Variants in ZNF438 observed in about 807,000 individuals in gnomAD.
ZNF438 encodes the protein zinc finger protein 438.
In ZNF438, 25 loss-of-function variants were observed where a neutral mutation model predicts 38.0. The ratio of observed to expected loss-of-function variants is 0.66; its 90% confidence interval spans 0.48 to 0.92. ZNF438 has a LOEUF of 0.92. Ranked by LOEUF, ZNF438 falls within the 40% of genes least tolerant of loss-of-function variation. The pLI is 0.00. For missense variants in ZNF438, 1,007 were observed against 999.6 expected, an observed-to-expected ratio of 1.01 and a Z score of -0.10; for synonymous variants, 372 against 364.1, an observed-to-expected ratio of 1.02 and a Z score of -0.25.
chr10:30,867,124 T>C (rs2036577578), intron 4 of ZNF438, among the ~76,000 whole-genome samples: 1 of 152,176 alleles, frequency 6.6e-6, no homozygotes, highest in South Asian at 2.1e-4. Context: ...AAAATATCCA[T>C]GATTATCTGA....
At chr10:30,844,743 C>G (rs185912501) in exon 6 of ZNF438, 2 of 530,298 alleles carry the variant, frequency 3.8e-6, no homozygotes, top group South Asian at 5.9e-5. Flanking sequence ...AGAATCAGTA[C>G]GTATTTTAAA....
chr10:30,992,162 C>G (rs1353080016), intron 1 of ZNF438, among the ~76,000 whole-genome samples: 1 of 152,162 alleles, frequency 6.6e-6, no homozygotes, highest in Non-Finnish European at 1.5e-5. Context: ...AGCCTATACA[C>G]TGTAAGAAAT....
chr10:30,959,889 C>T (rs2049282284), intron 1 of ZNF438, among the ~76,000 whole-genome samples: 1 of 147,296 alleles, frequency 6.8e-6, no homozygotes, highest in South Asian at 2.2e-4. Flanking sequence ...ATTTACATTC[C>T]TACCAACAAT....
At position 30,865,088 on chromosome 10, in the gene ZNF438, ATC is replaced by A. The variant is rs1418568973; in HGVS notation, c.37+11908_37+11909del. Among the ~76,000 whole-genome samples the A allele has an allele frequency of 3.9e-5, 6 of 152,356 alleles. No individual in the cohort carries two copies. In the East Asian group the frequency reaches 9.6e-4, roughly 24 times the overall value. The stretch of plus-strand genomic sequence containing the variant: ...TTAGAACTAAGTTGTTTAGCAATTT[ATC>A]TGTTTACATGTCAGTCTCTTCCAGT... On this transcript the variant is annotated intron_variant, in intron 4 of 5. Transcript: ENST00000413025.
intron 4 of ZNF438, among the ~76,000 whole-genome samples, chr10:30,865,815 G>T (rs560827406): frequency 2.0e-5 from 3 of 152,196 alleles, no homozygotes; most frequent in Non-Finnish European, 4.4e-5. Context: ...ATGAATTTGA[G>T]CAAGATAATA....
At chr10:30,885,867 A>T (rs1564569238) in intron 3 of ZNF438, among the ~76,000 whole-genome samples, 1 of 152,230 alleles carries the variant, frequency 6.6e-6, no homozygotes, top group Non-Finnish European at 1.5e-5. Flanking sequence ...GAACCTGGGA[A>T]ATAAAAAAAT....
chr10:30,890,082 C>CAAAAAAAAAA (rs2040483586), intron 3 of ZNF438, among the ~76,000 whole-genome samples: 1 of 105,938 alleles, frequency 9.4e-6, no homozygotes, highest in East Asian at 2.2e-4. Context: ...TTTGGCATTT[C>CAAAAAAAAAA]CAAAAAAAAA....
chr10:31,012,006 T>C (rs1223198674), intron 1 of ZNF438, among the ~76,000 whole-genome samples: 2 of 152,166 alleles, frequency 1.3e-5, no homozygotes, highest in African/African-American at 2.4e-5. Flanking sequence ...AAACATGTGC[T>C]GTTTCCTTGC....
intron 1 of ZNF438, among the ~76,000 whole-genome samples, chr10:30,976,528 G>A (rs999399626): frequency 1.3e-5 from 2 of 152,128 alleles, no homozygotes; most frequent in African/African-American, 4.8e-5. Flanking sequence ...GATCGCTTGA[G>A]GCCAGAAGTT....
intron 4 of ZNF438, chr10:30,857,731 G>A: frequency 6.7e-7 from 1 of 1,488,954 alleles, no homozygotes; most frequent in Non-Finnish European, 9.0e-7. Flanking sequence ...TTTGGAGAAT[G>A]TGCAACGTGT....
chr10:30,897,053 T>C (rs1473301617), intron 3 of ZNF438, among the ~76,000 whole-genome samples: 3 of 152,186 alleles, frequency 2.0e-5, no homozygotes, highest in Admixed American at 1.3e-4. Flanking sequence ...TTACAAAGTA[T>C]ACAATATTCA....
At chr10:30,986,770 T>C (rs376902924) in intron 1 of ZNF438, among the ~76,000 whole-genome samples, 8 of 152,318 alleles carry the variant, frequency 5.3e-5, no homozygotes, top group African/African-American at 1.9e-4. Flanking sequence ...TTGAGCATCA[T>C]GTTGGCACTC....
At chr10:30,929,411 T>G (rs535632874) in intron 2 of ZNF438, among the ~76,000 whole-genome samples, 4 of 152,038 alleles carry the variant, frequency 2.6e-5, no homozygotes, top group African/African-American at 9.6e-5. Flanking sequence ...CTTAAGGCGG[T>G]GTGTCTGGAG....
chr10:30,949,975 CA>C (rs2047965432), intron 1 of ZNF438, among the ~76,000 whole-genome samples: 1 of 152,058 alleles, frequency 6.6e-6, no homozygotes, highest in Admixed American at 6.6e-5. Context: ...ACACCTATTC[CA>C]AAATTGACCA....
At chr10:30,886,816 T>C (rs572405721) in intron 3 of ZNF438, among the ~76,000 whole-genome samples, 1 of 152,350 alleles carries the variant, frequency 6.6e-6, no homozygotes, top group African/African-American at 2.4e-5. Context: ...TTTGTTTTTT[T>C]ACTTTTAAAG....
At chr10:30,845,265 C>T (rs200410968) in exon 6 of ZNF438, 14 of 1,614,080 alleles carry the variant, frequency 8.7e-6, no homozygotes, top group East Asian at 2.2e-5. Context: ...GTGGAGCTGC[C>T]TTTTCAGTCT....
At chr10:30,887,316 C>T (rs1218278858) in intron 3 of ZNF438, among the ~76,000 whole-genome samples, 1 of 152,196 alleles carries the variant, frequency 6.6e-6, no homozygotes, top group Non-Finnish European at 1.5e-5. Context: ...GACCCAGGTG[C>T]TTCTCCCTGT....
intron 3 of ZNF438, among the ~76,000 whole-genome samples, chr10:30,884,803 C>T (rs1350363785): frequency 6.6e-6 from 1 of 152,132 alleles, no homozygotes. Flanking sequence ...AAAATTTTTC[C>T]ATTTATTCCT....
At chr10:30,961,103 AATCTT>A (rs1248302951) in intron 1 of ZNF438, among the ~76,000 whole-genome samples, 2 of 145,054 alleles carry the variant, frequency 1.4e-5, no homozygotes, top group South Asian at 2.2e-4. Flanking sequence ...AAAAGATATT[AATCTT>A]ATCTTACCAG....
Sources: allele counts gnomAD v4.1 joint callset (sites outside exome capture counted in the v4.1 genomes callset), GRCh38; gene constraint gnomAD v4.1.1; transcripts MANE v1.5; gene names NCBI Gene and HGNC (gene_info 2026-07-23, HGNC 2026-07-21).